The following MYO1E variants were observed in gnomAD, a reference collection of about 807,000 sequenced individuals.
MYO1E encodes unconventional myosin-Ie.
Under a neutral mutation model 151.1 loss-of-function variants are expected in MYO1E, and 68 were observed. That is an observed-to-expected ratio of 0.45 (90% CI 0.37 to 0.55). The LOEUF is 0.55. Ranked by LOEUF, MYO1E falls within the 20% of genes least tolerant of loss-of-function variation. MYO1E has a pLI of 0.00. For synonymous variants in MYO1E, 601 were observed against 501.7 expected (o/e 1.20, Z -2.64); for missense variants, 1,363 against 1,389.3 (o/e 0.98, Z 0.30).
intron 5 of MYO1E, among the ~76,000 whole-genome samples, chr15:59,236,369 T>TATATATACAC (rs1392466770): frequency 7.0e-4 from 83 of 117,736 alleles, no homozygotes; most frequent in East Asian, 2.3e-3. Context: ...AAAAAATATA[T>TATATATACAC]ACACACACAC....
At chr15:59,253,950 A>G (rs999230734) in intron 4 of MYO1E, among the ~76,000 whole-genome samples, 7 of 151,042 alleles carry the variant, frequency 4.6e-5, no homozygotes, top group African/African-American at 1.2e-4. Context: ...GGGGAAGGGA[A>G]AATTGTTAAA....
chr15:59,319,729 C>T (rs1174681476), intron 1 of MYO1E, among the ~76,000 whole-genome samples: 1 of 151,488 alleles, frequency 6.6e-6, no homozygotes, highest in African/African-American at 2.4e-5. Flanking sequence ...TATGGATAAA[C>T]CCTATCTCTA....
chr15:59,257,723 G>A (rs138846238), intron 3 of MYO1E, among the ~76,000 whole-genome samples: 1 of 152,020 alleles, frequency 6.6e-6, no homozygotes, highest in Non-Finnish European at 1.5e-5. Flanking sequence ...GGGCTCATAG[G>A]GGGAGCTACC....
chr15:59,333,700 C>T (rs2080711867), intron 1 of MYO1E, among the ~76,000 whole-genome samples: 1 of 152,236 alleles, frequency 6.6e-6, no homozygotes, highest in Non-Finnish European at 1.5e-5. Context: ...GATCCATTCT[C>T]TTCCTGCCTG....
At chr15:59,360,617 G>C (rs1403978519) in intron 1 of MYO1E, among the ~76,000 whole-genome samples, 10 of 152,254 alleles carry the variant, frequency 6.6e-5, no homozygotes, top group African/African-American at 2.4e-4. Flanking sequence ...TTTCCTTCTT[G>C]TTGTTAGCTT....
intron 26 of MYO1E, among the ~76,000 whole-genome samples, chr15:59,139,608 C>T (rs2079397118): frequency 6.7e-6 from 1 of 150,324 alleles, no homozygotes. Context: ...CTCATTATTA[C>T]TCTGCAGACG....
At chr15:59,345,283 A>G (rs1367724577) in intron 1 of MYO1E, among the ~76,000 whole-genome samples, 3 of 152,082 alleles carry the variant, frequency 2.0e-5, no homozygotes, top group Non-Finnish European at 4.4e-5. Flanking sequence ...AAAGTGCAGA[A>G]TATTGCAGAA....
chr15:59,325,087 T>A (rs1326639231), intron 1 of MYO1E, among the ~76,000 whole-genome samples: 1 of 151,834 alleles, frequency 6.6e-6, no homozygotes, highest in Non-Finnish European at 1.5e-5. Flanking sequence ...CAGGCTGGAG[T>A]GCAGTGGCAC....
intron 1 of MYO1E, among the ~76,000 whole-genome samples, chr15:59,278,630 T>C (rs1270758678): frequency 6.6e-6 from 1 of 152,192 alleles, no homozygotes; most frequent in Non-Finnish European, 1.5e-5. Flanking sequence ...CCTAATATTT[T>C]GGTGATGGGA....
chr15:59,150,428 A>T (rs924557433), intron 26 of MYO1E, among the ~76,000 whole-genome samples: 1 of 152,270 alleles, frequency 6.6e-6, no homozygotes, highest in Non-Finnish European at 1.5e-5. Flanking sequence ...AGATGCTCCC[A>T]GCTGGCTGAT....
chr15:59,254,676 GT>G (rs35152120), intron 4 of MYO1E, among the ~76,000 whole-genome samples: 73,619 of 150,388 alleles, frequency 0.49, 19,730 homozygotes, highest in Non-Finnish European at 0.62. Context: ...ACAATAAAAG[GT>G]TTTTTTTTTC....
intron 4 of MYO1E, among the ~76,000 whole-genome samples, chr15:59,247,151 G>T (rs2080135329): frequency 6.6e-6 from 1 of 152,134 alleles, no homozygotes; most frequent in Non-Finnish European, 1.5e-5. Flanking sequence ...TGTTGAAATT[G>T]TGCCACTGCA....
intron 5 of MYO1E, among the ~76,000 whole-genome samples, 179 bp downstream of exon 5, chr15:59,236,406 A>T (rs2080066212): frequency 6.6e-6 from 1 of 150,784 alleles, no homozygotes; most frequent in East Asian, 1.9e-4. Flanking sequence ...ACACACACAC[A>T]CACACACACA....
intron 26 of MYO1E, among the ~76,000 whole-genome samples, chr15:59,151,223 C>G (rs867268350): frequency 6.6e-6 from 1 of 151,448 alleles, no homozygotes; most frequent in South Asian, 2.1e-4. Context: ...GTCAAGAGAT[C>G]GAGACCATCC....
At chr15:59,337,423 G>C (rs112350235) in intron 1 of MYO1E, among the ~76,000 whole-genome samples, 4 of 152,156 alleles carry the variant, frequency 2.6e-5, no homozygotes, top group Non-Finnish European at 4.4e-5. Flanking sequence ...GATATAATTC[G>C]TATAATATAA....
At chr15:59,188,345 T>C in intron 17 of MYO1E, 129 bp from the exon 18 acceptor site, 1 of 759,488 alleles carries the variant, frequency 1.3e-6, no homozygotes, top group Non-Finnish European at 2.4e-6. Context: ...CAATTTATAG[T>C]GTTCAAACAC....
intron 1 of MYO1E, among the ~76,000 whole-genome samples, chr15:59,372,086 A>T (rs867071063): frequency 0.03 from 4,475 of 149,400 alleles, 146 homozygotes; most frequent in African/African-American, 0.077. Flanking sequence ...GGCCGCGGGG[A>T]GGGCAGGGGA....
chr15:59,217,864 T>C (rs759347147), intron 10 of MYO1E, 27 bp downstream of exon 10: 10 of 1,610,954 alleles, frequency 6.2e-6, no homozygotes, highest in Middle Eastern at 1.7e-4. Flanking sequence ...ATATGAAGCA[T>C]CACCAGCATC....
intron 26 of MYO1E, among the ~76,000 whole-genome samples, chr15:59,152,139 G>C (rs976061073): frequency 9.9e-5 from 15 of 152,102 alleles, no homozygotes; most frequent in Non-Finnish European, 1.9e-4. Context: ...TGAGGCAGGA[G>C]AATCACTTGA....
Sources: allele counts gnomAD v4.1 joint callset (sites outside exome capture counted in the v4.1 genomes callset), GRCh38; gene constraint gnomAD v4.1.1; transcripts MANE v1.5; gene names NCBI Gene and HGNC (gene_info 2026-07-23, HGNC 2026-07-21).